Variants in COLEC12 observed in about 807,000 individuals in gnomAD.
COLEC12 encodes the protein collectin subfamily member 12.
In COLEC12, 33 loss-of-function variants were observed where a neutral mutation model predicts 71.1. That is an observed-to-expected ratio of 0.46 (90% CI 0.35 to 0.62). COLEC12 has a LOEUF of 0.62. Ranked by LOEUF, COLEC12 falls within the 20% of genes least tolerant of loss-of-function variation. COLEC12 has a pLI of 0.00. For synonymous variants in COLEC12, 350 were observed against 353.0 expected (o/e 0.99, Z 0.10); for missense variants, 765 against 916.1 (o/e 0.84, Z 2.13).
At chr18:373,486 G>A (rs1915046582) in intron 2 of COLEC12, among the ~76,000 whole-genome samples, 1 of 152,214 alleles carries the variant, frequency 6.6e-6, no homozygotes, top group African/African-American at 2.4e-5. Context: ...ATTCCTCAGT[G>A]AGGAGGAACT....
At chr18:367,581 A>T (rs1295822944) in intron 2 of COLEC12, among the ~76,000 whole-genome samples, 1 of 152,248 alleles carries the variant, frequency 6.6e-6, no homozygotes, top group Non-Finnish European at 1.5e-5. Context: ...TAAAACAGTC[A>T]TTCTGTTCCA....
intron 2 of COLEC12, among the ~76,000 whole-genome samples, chr18:380,079 C>T (rs550455636): frequency 6.6e-5 from 10 of 152,182 alleles, no homozygotes; most frequent in African/African-American, 2.4e-4. Context: ...CCAATAGGTC[C>T]GGCAGTGTCT....
In COLEC12 at chr18:433,597, T is replaced by C. The variant is rs146522080; in HGVS notation, c.58+47110A>G. Among the ~76,000 whole-genome samples the C allele has an allele frequency of 2.1e-3, 316 of 152,188 alleles. 3 individuals are homozygous for C. The highest frequency in any genetic ancestry group is 7.0e-3 in the African/African-American group (290 of 41,526). On this transcript the variant is annotated intron_variant, in intron 2 of 9. Transcript: ENST00000400256. ...AAAAGCCAATCAGCTCCAGGAGTTGTTTCTCACAGAAGACAAAAAAGGCTT... is the reference window on the plus strand; with the variant it reads ...AAAAGCCAATCAGCTCCAGGAGTTGCTTCTCACAGAAGACAAAAAAGGCTT...
intron 2 of COLEC12, among the ~76,000 whole-genome samples, chr18:440,624 G>T (rs1258271563): frequency 2.0e-5 from 3 of 152,164 alleles, no homozygotes; most frequent in Non-Finnish European, 4.4e-5. Flanking sequence ...AGGATGCCCT[G>T]GGATGCCAAA....
chr18:373,485 T>C (rs185951456), intron 2 of COLEC12, among the ~76,000 whole-genome samples: 63 of 152,346 alleles, frequency 4.1e-4, no homozygotes, highest in Non-Finnish European at 2.2e-4. Context: ...AATTCCTCAG[T>C]GAGGAGGAAC....
chr18:330,605 C>T (rs1345819748), intron 8 of COLEC12, among the ~76,000 whole-genome samples: 2 of 151,746 alleles, frequency 1.3e-5, no homozygotes, highest in East Asian at 1.9e-4. Flanking sequence ...GATAATCAAA[C>T]TGATGCAATA....
At chr18:424,275 C>G (rs1015280802) in intron 2 of COLEC12, 4 of 152,186 alleles carry the variant, frequency 2.6e-5, no homozygotes, top group Non-Finnish European at 4.4e-5. Flanking sequence ...GTGGGACTTA[C>G]GTAAGCTGCG....
chr18:347,425 G>A (rs1036801717), intron 4 of COLEC12, 84 bp from the exon 5 acceptor site: 19 of 1,103,732 alleles, frequency 1.7e-5, no homozygotes, highest in African/African-American at 7.8e-5. Flanking sequence ...ACACTTAATC[G>A]GTATGCACTG....
intron 5 of COLEC12, among the ~76,000 whole-genome samples, chr18:341,553 T>C (rs1361090007): frequency 6.6e-6 from 1 of 152,254 alleles, no homozygotes; most frequent in Non-Finnish European, 1.5e-5. Context: ...CAAATCATCC[T>C]TAACCCCACC....
chr18:320,463 A>G (rs1913676544), intron 9 of COLEC12, among the ~76,000 whole-genome samples: 1 of 152,218 alleles, frequency 6.6e-6, no homozygotes, highest in African/African-American at 2.4e-5. Context: ...CCAATGCCTG[A>G]CACATCAAAG....
At chr18:325,967 C>T (rs1393973017) in intron 8 of COLEC12, among the ~76,000 whole-genome samples, 1 of 152,152 alleles carries the variant, frequency 6.6e-6, no homozygotes, top group African/African-American at 2.4e-5. Flanking sequence ...TTTATAGATC[C>T]TTTCTACTGT....
At chr18:462,289 T>C (rs2846669) in intron 2 of COLEC12, among the ~76,000 whole-genome samples, 121,554 of 152,220 alleles carry the variant, frequency 0.8, 48,785 homozygotes, top group East Asian at 0.99. Flanking sequence ...TGCCTACCAA[T>C]TGATGAAAAT....
chr18:377,609 C>T (rs1915141859), intron 2 of COLEC12, among the ~76,000 whole-genome samples: 1 of 152,210 alleles, frequency 6.6e-6, no homozygotes, highest in South Asian at 2.1e-4. Context: ...CCTCCCAAAA[C>T]ATTTGGGAGA....
chr18:393,357 C>T (rs774418811), intron 2 of COLEC12, among the ~76,000 whole-genome samples: 5 of 151,766 alleles, frequency 3.3e-5, no homozygotes, highest in Non-Finnish European at 5.9e-5. Flanking sequence ...CTCATGTAGG[C>T]ACAGCAAATT....
intron 4 of COLEC12, 94 bp from the exon 5 acceptor site, chr18:347,435 G>C: frequency 2.0e-6 from 2 of 1,024,746 alleles, no homozygotes; most frequent in South Asian, 1.6e-5. Flanking sequence ...GGTATGCACT[G>C]TATTTTAGAT....
intron 3 of COLEC12, among the ~76,000 whole-genome samples, chr18:355,277 C>A (rs1199385591): frequency 6.6e-6 from 1 of 152,024 alleles, no homozygotes; most frequent in Admixed American, 6.6e-5. Flanking sequence ...AGAGTAAATG[C>A]TGGGTGCTAT....
chr18:336,765 G>C (rs1265133786), intron 5 of COLEC12, among the ~76,000 whole-genome samples: 1 of 152,136 alleles, frequency 6.6e-6, no homozygotes, highest in African/African-American at 2.4e-5. Context: ...ATGTTGAAAT[G>C]AATGAATCTT....
chr18:329,230 G>A (rs1268051604), intron 8 of COLEC12, among the ~76,000 whole-genome samples: 2 of 152,186 alleles, frequency 1.3e-5, no homozygotes, highest in Non-Finnish European at 1.5e-5. Flanking sequence ...AGACAGTAAT[G>A]TTCCAGCTCA....
At chr18:492,381 C>T (rs866312831) in intron 1 of COLEC12, among the ~76,000 whole-genome samples, 1 of 152,112 alleles carries the variant, frequency 6.6e-6, no homozygotes, top group Non-Finnish European at 1.5e-5. Context: ...GTTACTTTTA[C>T]CCCTAAGTTG....
Sources: gnomAD v4.1 joint callset for allele counts (sites outside exome capture counted in the v4.1 genomes callset) on GRCh38, gnomAD v4.1.1 for gene constraint, MANE v1.5 for transcripts, NCBI Gene and HGNC (gene_info 2026-07-23, HGNC 2026-07-21) for gene names.